Variants in AMZ1 observed in about 807,000 individuals in gnomAD.
AMZ1 encodes the protein archaelysin family metallopeptidase 1.
A neutral mutation model predicts 29.9 loss-of-function variants in AMZ1; 39 were observed. That is an observed-to-expected ratio of 1.30 (90% CI 1.01 to 1.70). The LOEUF (loss-of-function observed/expected upper bound fraction) is 1.70. Ranked by LOEUF, AMZ1 falls within the 40% of genes most tolerant of loss-of-function variation. AMZ1 has a pLI of 0.00. For synonymous variants in AMZ1, 458 were observed against 304.0 expected, an observed-to-expected ratio of 1.51 and a Z score of -5.27; for missense variants, 1,041 against 680.6, an observed-to-expected ratio of 1.53 and a Z score of -5.89.
At chr7:2,764,251 T>C (rs550272444), upstream of AMZ1, among the ~76,000 whole-genome samples, 7 of 151,648 alleles carry the variant, frequency 4.6e-5, no homozygotes, top group Middle Eastern at 3.4e-3. Flanking sequence ...TTTCTTTTTT[T>C]TTTTTTTTTT....
rs57732652 is a variant in AMZ1, at chr7:2,713,242, G to GA, written c.*374dup. 3.6e-3 allele frequency: 580 copies of GA among 162,994 alleles called. 1 individual carries two copies. Among genetic ancestry groups the GA allele is most frequent in the East Asian group, 5.4e-3 (33 of 6,088 alleles). 10.1% of individuals were successfully genotyped at this position (162,994 alleles called of 1,614,324 possible). ...GGGCCACACAGAAAGACTGTCTCCA[G>GA]AAAAAAAAAAGTTCTTTGGAGAAGC... On this transcript the variant is annotated 3_prime_UTR_variant, in exon 7 of 7. Transcript: ENST00000683327.
At chr7:2,712,294 C>T (rs1420988918) in intron 6 of AMZ1, 36 bp from the exon 7 acceptor site, 1 of 1,519,376 alleles carries the variant, frequency 6.6e-7, no homozygotes, top group East Asian at 2.3e-5. Context: ...CAAGGGCTGG[C>T]ACGGAGCAAA....
chr7:2,687,614 A>G (rs1237246612), upstream of AMZ1, among the ~76,000 whole-genome samples: 1 of 152,176 alleles, frequency 6.6e-6, no homozygotes, highest in Non-Finnish European at 1.5e-5. Flanking sequence ...CCAGGGCTGC[A>G]CTCACAGCTG....
chr7:2,690,905 C>A (rs1232401943), intron 1 of AMZ1, among the ~76,000 whole-genome samples: 1 of 152,016 alleles, frequency 6.6e-6, no homozygotes, highest in East Asian at 1.9e-4. Flanking sequence ...CTTTGGGAGG[C>A]CGAGGCAGGC....
chr7:2,726,388 C>G (rs1445347477), intron 4 of AMZ1, among the ~76,000 whole-genome samples: 1 of 152,180 alleles, frequency 6.6e-6, no homozygotes, highest in East Asian at 1.9e-4. Context: ...GACTGTCAAC[C>G]CTGGCTGACA....
At chr7:2,679,799 C>G (rs1786819480) in intron 1 of AMZ1, 1 of 152,540 alleles carries the variant, frequency 6.6e-6, no homozygotes, top group Admixed American at 6.5e-5. Flanking sequence ...ACAGCCTGGG[C>G]AAAGGCCAGG....
chr7:2,722,701 G>C (rs934339505), downstream of AMZ1, among the ~76,000 whole-genome samples: 8 of 152,264 alleles, frequency 5.3e-5, no homozygotes, highest in Non-Finnish European at 5.9e-5. Context: ...ACTGGGTGCA[G>C]CGACTCATGC....
chr7:2,689,294 AG>A (rs1363826194), intron 1 of AMZ1, among the ~76,000 whole-genome samples: 1 of 152,078 alleles, frequency 6.6e-6, no homozygotes, highest in Non-Finnish European at 1.5e-5. Flanking sequence ...TGTGCGGTTT[AG>A]GGCAGCCTGA....
chr7:2,754,578 A>T (rs1348930539), intron 4 of AMZ1, among the ~76,000 whole-genome samples: 2 of 133,144 alleles, frequency 1.5e-5, no homozygotes, highest in African/African-American at 5.6e-5. Flanking sequence ...CCTCATCTCT[A>T]CTTTAAAAAA....
rs558477255 is a variant in AMZ1 at position 2,700,251 on chromosome 7, A to G, written c.-201A>G. 1.5e-4 allele frequency: 91 copies of G among 619,922 alleles called. No homozygotes were observed. In the African/African-American group the frequency reaches 1.5e-3, roughly 11 times the overall value. The allele number at this position is 619,922 out of a possible 1,614,324, so 38.4% of individuals were successfully genotyped here. On this transcript the variant is annotated 5_prime_UTR_variant, in exon 2 of 7. Transcript: ENST00000683327. ...ATCCACAGGGTGCTGTGGGCCCAGAAGCGCCCATGCCTGAGAGCGTCCAGG... is the reference window on the plus strand; with the variant it reads ...ATCCACAGGGTGCTGTGGGCCCAGAGGCGCCCATGCCTGAGAGCGTCCAGG...
rs1020644282 is a variant in AMZ1 at position 2,759,008 on chromosome 7, T to C, written n.551-5704T>C. Among the ~76,000 whole-genome samples the C allele has an allele frequency of 2.6e-5, 4 of 151,832 alleles. No homozygotes were observed. In the East Asian group the frequency reaches 7.8e-4, roughly 30 times the overall value. On this transcript the variant is annotated intron_variant and non_coding_transcript_variant, in intron 4 of 4. Transcript: ENST00000489665. ...TACAAAAACTAGCGGGGCGTGGTGG[T>C]GGGCGCCTGTAATCCCAGCTACTGG...
chr7:2,719,213 G>A lies in AMZ1; in HGVS notation c.*6335G>A, dbSNP rs924218931. Among the ~76,000 whole-genome samples the A allele has an allele frequency of 4.6e-5, 7 of 152,178 alleles. No individual in the cohort carries two copies. The highest frequency in any genetic ancestry group is 2.0e-4 in the Admixed American group (3 of 15,288). Reference sequence around the variant, plus strand: ...GACAGAACGGCAGGTGGCCCCTGTCGGAAGGGGGGTGTCTCTTTATTCCTG... The same window carrying A: ...GACAGAACGGCAGGTGGCCCCTGTCAGAAGGGGGGTGTCTCTTTATTCCTG... On this transcript the variant is annotated 3_prime_UTR_variant, in exon 7 of 7. Coordinates refer to ENST00000683327, the MANE Select transcript of AMZ1 (RefSeq NM_001384743.1).
At chr7:2,758,895 A>G (rs58991173) in intron 4 of AMZ1, among the ~76,000 whole-genome samples, 1,733 of 152,220 alleles carry the variant, frequency 0.011, 41 homozygotes, top group African/African-American at 0.039. Context: ...CTATAATCCC[A>G]GCGCTCTGGG....
intron 4 of AMZ1, among the ~76,000 whole-genome samples, chr7:2,747,932 C>T (rs924315877): frequency 6.6e-6 from 1 of 151,462 alleles, no homozygotes; most frequent in Admixed American, 6.6e-5. Flanking sequence ...GAATAAAATA[C>T]CTAGGAATCC....
Position 2,700,266 on chromosome 7 carries a change from G to A in AMZ1, c.-186G>A. The A allele has an allele frequency of 1.5e-6, 1 of 669,876 alleles. No homozygotes were observed. The highest frequency in any genetic ancestry group is 2.5e-6 in the Non-Finnish European group (1 of 402,570). The allele number at this position is 669,876 out of a possible 1,614,324, so 41.5% of individuals were successfully genotyped here. ...TGGGCCCAGAAGCGCCCATGCCTGA[G>A]AGCGTCCAGGACCAGGCAGAGCTGG... On this transcript the variant is annotated 5_prime_UTR_variant, in exon 2 of 7. Transcript: ENST00000683327.
At chr7:2,759,372 C>A (rs796250812) in intron 4 of AMZ1, among the ~76,000 whole-genome samples, 6 of 152,118 alleles carry the variant, frequency 3.9e-5, no homozygotes, top group Non-Finnish European at 8.8e-5. Flanking sequence ...CTAAGGGCCT[C>A]CCCCATATCA....
chr7:2,722,449 T>C (rs1583192381), downstream of AMZ1, among the ~76,000 whole-genome samples: 1 of 152,184 alleles, frequency 6.6e-6, no homozygotes, highest in East Asian at 1.9e-4. Flanking sequence ...ATTTTTTATA[T>C]TTCAGCAGAG....
intron 4 of AMZ1, chr7:2,730,975 C>T: frequency 1.9e-6 from 1 of 535,184 alleles, no homozygotes; most frequent in Non-Finnish European, 3.3e-6. Flanking sequence ...CACTCGCCCC[C>T]AGGATTCAGT....
At chr7:2,704,120 A>C (rs957442482) in intron 3 of AMZ1, among the ~76,000 whole-genome samples, 8 of 152,192 alleles carry the variant, frequency 5.3e-5, no homozygotes, top group African/African-American at 1.9e-4. Flanking sequence ...GGATCTCCTG[A>C]CCGCATGATC....
Sources: allele counts gnomAD v4.1 joint callset (sites outside exome capture counted in the v4.1 genomes callset), GRCh38; gene constraint gnomAD v4.1.1; transcripts MANE v1.5; gene names NCBI Gene and HGNC (gene_info 2026-07-23, HGNC 2026-07-21).